Variants in FGFRL1 observed in about 807,000 individuals in gnomAD.
FGFRL1 encodes fibroblast growth factor receptor-like 1.
In FGFRL1, 24 loss-of-function variants were observed where a neutral mutation model predicts 36.8. The observed-to-expected ratio is 0.65, with a 90% confidence interval of 0.47 to 0.92. The LOEUF (loss-of-function observed/expected upper bound fraction) is 0.92, where lower values mean the gene tolerates loss of function less well. Among genes scored for constraint, FGFRL1 ranks in the 40% least tolerant of loss-of-function variants. The pLI is 0.00. For missense variants in FGFRL1, 785 were observed against 753.4 expected (o/e 1.04, Z -0.49); for synonymous variants, 422 against 344.1 (o/e 1.23, Z -2.50).
chr4:1,017,022 G>A (rs1470607858), intron 2 of FGFRL1, among the ~76,000 whole-genome samples: 1 of 152,172 alleles, frequency 6.6e-6, no homozygotes, highest in Non-Finnish European at 1.5e-5. Context: ...ACCACCGGCT[G>A]CAGAAGGCTC....
At chr4:1,017,992 G>A (rs997510189) in intron 2 of FGFRL1, among the ~76,000 whole-genome samples, 3 of 152,214 alleles carry the variant, frequency 2.0e-5, no homozygotes, top group Non-Finnish European at 4.4e-5. Context: ...TTTGGACCAC[G>A]TGGCCAGGAC....
intron 6 of FGFRL1, 31 bp from the exon 7 acceptor site, chr4:1,024,874 C>G (rs372436426): frequency 1.8e-5 from 28 of 1,555,280 alleles, no homozygotes; most frequent in Non-Finnish European, 2.4e-5. Context: ...CGGCGTTCCC[C>G]TCCCTACCTC....
At chr4:1,014,440 G>GC (rs1166065124) in intron 2 of FGFRL1, among the ~76,000 whole-genome samples, 2 of 152,220 alleles carry the variant, frequency 1.3e-5, no homozygotes, top group African/African-American at 4.8e-5. Context: ...ACTTTTGCAA[G>GC]CATGGCCTTG....
chr4:1,024,049 C>A lies in FGFRL1; in HGVS notation c.666C>A (p.Arg222=). 6.2e-7 allele frequency: 1 copy of A among 1,606,350 alleles called. No individual in the cohort carries two copies. The highest frequency in any genetic ancestry group is 8.5e-7 in the Non-Finnish European group (1 of 1,178,370). The part of the protein sequence containing the change: ...RPEDSGKYTC[R]VSNRAGAINA... ...AGGACAGCGGCAAATACACCTGCCG[C>A]GTGTCGAACCGCGCGGGCGCCATCA... The change falls in exon 5 of 7, where the codon CGC becomes CGA. Residue 222 remains arginine, a synonymous_variant. Transcript: ENST00000510644.
rs962581787 is a variant in FGFRL1, at chr4:1,015,299, C to G, written c.79+2735C>G. Among the ~76,000 whole-genome samples, 10 of 152,348 alleles carry G rather than the reference C, an allele frequency of 6.6e-5. 2 individuals are homozygous for G. Among genetic ancestry groups the G allele is most frequent in the East Asian group, 1.9e-4 (1 of 5,186 alleles). On this transcript the variant is annotated intron_variant, in intron 2 of 6. Coordinates refer to ENST00000510644, the MANE Select transcript of FGFRL1 (RefSeq NM_001004356.3). The stretch of plus-strand genomic sequence containing the variant: ...AGGAGGGAGAGGGATACCCACACCC[C>G]TCTCCCCAGAGGCCCCCTCCAGGGC...
In FGFRL1 at chr4:1,026,264, C is replaced by A. The variant is rs534225926; in HGVS notation, c.*917C>A. Reference sequence around the variant, plus strand: ...AGATATGCTGCCTGGGCACACACTTCCGGACACACATGCACACACAGGTGC... The same window carrying A: ...AGATATGCTGCCTGGGCACACACTTACGGACACACATGCACACACAGGTGC... On this transcript the variant is annotated 3_prime_UTR_variant, in exon 7 of 7. Transcript: ENST00000510644. 1 of 157,552 alleles carries A rather than the reference C, an allele frequency of 6.3e-6. No individual in the cohort carries two copies. Among genetic ancestry groups the A allele is most frequent in the East Asian group, 1.9e-4 (1 of 5,196 alleles). The allele number at this position is 157,552 out of a possible 1,614,324, so 9.8% of individuals were successfully genotyped here.
chr4:1,019,304 C>T lies in FGFRL1; in HGVS notation c.80-2899C>T, dbSNP rs144569889. Among the ~76,000 whole-genome samples the T allele has an allele frequency of 2.1e-3, 322 of 152,358 alleles. 5 individuals are homozygous for T. The South Asian group carries it at 0.057, about 27-fold the overall frequency. On this transcript the variant is annotated intron_variant, in intron 2 of 6. Transcript: ENST00000510644. ...ACAGGGCCAGGCACTCGCTCTCTTG[C>T]TTCTTCTGGACAGTTGTGTGGGTGA...
At chr4:1,024,768 CGT>C in intron 6 of FGFRL1, 104 bp downstream of exon 6, 1 of 1,407,278 alleles carries the variant, frequency 7.1e-7, no homozygotes. Context: ...CCTCCCGGGC[CGT>C]GCTGGCCAGG....
Position 1,023,338 on chromosome 4 carries a change from C to T in FGFRL1, c.353-303C>T, listed in dbSNP as rs918531988. On this transcript the variant is annotated intron_variant, in intron 3 of 6. Transcript: ENST00000510644. The surrounding 1 kb of genome is among the most constrained non-coding windows in gnomAD (Gnocchi z 6.0). The stretch of plus-strand genomic sequence containing the variant: ...CCCTTGATGTAGGCTAGGGTTACTG[C>T]AGCTGCTGGCCGGGCCCGGCTCCCT... 2.6e-5 allele frequency among the ~76,000 whole-genome samples: 4 copies of T among 152,048 alleles called. No homozygotes were observed. The highest frequency in any genetic ancestry group is 4.4e-5 in the Non-Finnish European group (3 of 67,968).
rs551650510 is a variant in FGFRL1, at chr4:1,017,708, G to A, written c.80-4495G>A. On this transcript the variant is annotated intron_variant, in intron 2 of 6. Coordinates refer to ENST00000510644, the MANE Select transcript of FGFRL1 (RefSeq NM_001004356.3). Reference sequence around the variant, plus strand: ...CTTCTCCCAACAGAGGGGTCATGACGCTGCACGTGTGTCCCTGCCTGGGTG... The same window carrying A: ...CTTCTCCCAACAGAGGGGTCATGACACTGCACGTGTGTCCCTGCCTGGGTG... Among the ~76,000 whole-genome samples the A allele has an allele frequency of 6.4e-4, 97 of 152,288 alleles. 1 individual carries two copies. The South Asian group carries it at 0.015, about 24-fold the overall frequency.
chr4:1,023,787 C>G lies in FGFRL1; in HGVS notation c.434-30C>G, dbSNP rs1373840620. 1 of 1,564,302 alleles carries G rather than the reference C, an allele frequency of 6.4e-7. No individual in the cohort carries two copies. Among genetic ancestry groups the G allele is most frequent in the South Asian group, 1.2e-5 (1 of 84,494 alleles). On this transcript the variant is annotated intron_variant, in intron 4 of 6. Transcript: ENST00000510644. The surrounding 1 kb of genome is among the most constrained non-coding windows in gnomAD (Gnocchi z 6.0). Reference sequence around the variant, plus strand: ...CCGGCCCCTTGGCTGCATCCCCGTCCTCTGACCTCCACGCCACCCCACCCC... The same window carrying G: ...CCGGCCCCTTGGCTGCATCCCCGTCGTCTGACCTCCACGCCACCCCACCCC...
chr4:1,021,114 A>ATGGGGG (rs1394213905), intron 2 of FGFRL1, among the ~76,000 whole-genome samples: 1 of 74,862 alleles, frequency 1.3e-5, no homozygotes, highest in East Asian at 4.4e-4. Context: ...CAGGCAGGGA[A>ATGGGGG]TGGGGTGGGG....
rs1057471491 is a variant in FGFRL1, at chr4:1,022,228, G to A, written c.105G>A (p.Val35=). 1.3e-6 allele frequency: 2 copies of A among 1,548,140 alleles called. No individual in the cohort carries two copies. The highest frequency in any genetic ancestry group is 1.4e-5 in the African/African-American group (1 of 72,944). ...GCCCCCCAAAGATGGCGGACAAGGT[G>A]GTCCCACGGCAGGTGGCCCGGCTGG... The part of the protein sequence containing the change: ...ARGPPKMADK[V]VPRQVARLGR... Residue 35 remains valine, a synonymous_variant, in exon 3 of 7, where the codon GTG becomes GTA. Transcript: ENST00000510644.
At chr4:1,010,286 C>CGGCTGCGCCAGCGGG (rs1371977723), upstream of FGFRL1, 1 of 152,288 alleles carries the variant, frequency 6.6e-6, no homozygotes, top group Non-Finnish European at 1.5e-5. Context: ...TGCACAGCGG[C>CGGCTGCGCCAGCGGG]GGCTGCGCCA....
At chr4:1,016,031 G>C (rs926541114) in intron 2 of FGFRL1, among the ~76,000 whole-genome samples, 2 of 152,194 alleles carry the variant, frequency 1.3e-5, no homozygotes, top group Non-Finnish European at 2.9e-5. Context: ...GGACAGGCCC[G>C]GTGCCCTCCT....
chr4:1,021,405 CGTG>C (rs1202311676), intron 2 of FGFRL1, among the ~76,000 whole-genome samples: 2 of 152,054 alleles, frequency 1.3e-5, no homozygotes, highest in African/African-American at 4.8e-5. Flanking sequence ...CGGCAGTGCC[CGTG>C]GTCAGCCCGA....
intron 2 of FGFRL1, among the ~76,000 whole-genome samples, chr4:1,018,682 G>A (rs530918236): frequency 1.3e-5 from 2 of 152,162 alleles, no homozygotes; most frequent in East Asian, 1.9e-4. Flanking sequence ...CGAGGCAGCC[G>A]GTCTTCCCAC....
chr4:1,020,630 G>GAGGCAGGGGATGGGGTGGGGACCC (rs1230598910), intron 2 of FGFRL1, among the ~76,000 whole-genome samples: 1 of 96,888 alleles, frequency 1.0e-5, no homozygotes, highest in Admixed American at 1.0e-4. Flanking sequence ...GGTGGGGACT[G>GAGGCAGGGGATGGGGTGGGGACCC]AGGCAGGGGA....
At chr4:1,013,154 G>C (rs1176291385) in intron 2 of FGFRL1, among the ~76,000 whole-genome samples, 1 of 152,222 alleles carries the variant, frequency 6.6e-6, no homozygotes, top group African/African-American at 2.4e-5. Context: ...AGGACTGCGT[G>C]CCTCTGGGCA....
Sources: allele counts gnomAD v4.1 joint callset (sites outside exome capture counted in the v4.1 genomes callset), GRCh38; gene constraint gnomAD v4.1.1; non-coding constraint Gnocchi (gnomAD v3.1); transcripts MANE v1.5; gene names NCBI Gene and HGNC (gene_info 2026-07-23, HGNC 2026-07-21).